Variants in CHD3 observed in about 807,000 individuals in gnomAD.
CHD3 encodes the protein ATP-dependent chromatin remodeler CHD3.
Under a neutral mutation model 248.9 loss-of-function variants are expected in CHD3, and 52 were observed. That is an observed-to-expected ratio of 0.21 (90% CI 0.17 to 0.26). The LOEUF (loss-of-function observed/expected upper bound fraction) is 0.26, where lower values mean the gene tolerates loss of function less well. CHD3 is among the 10% of genes least tolerant of loss of function. CHD3 has a pLI of 1.00. For missense variants in CHD3, 1,482 were observed against 2,605.8 expected (o/e 0.57, Z 9.39); for synonymous variants, 985 against 985.2 (o/e 1.00, Z 0.00).
chr17:7,894,998 G>A lies in CHD3; in HGVS notation c.1351G>A (p.Glu451Lys), dbSNP rs1969446814. 2 of 1,614,032 alleles carry A rather than the reference G, an allele frequency of 1.2e-6. No homozygotes were observed. Among genetic ancestry groups the A allele is most frequent in the Admixed American group, 3.3e-5 (2 of 60,024 alleles). Residue 451 changes from glutamate to lysine, a missense_variant, in exon 9 of 40, where the codon GAG becomes AAG. This residue lies in a region of CHD3 where 138 missense variants were observed against 241.1 expected (regional missense o/e 0.57). Coordinates refer to ENST00000330494, the MANE Select transcript of CHD3 (RefSeq NM_001005273.3). ...EEGEEEGEKE[E>K]EDDHMEYCRV... ...GGGAGAGGAAGAAGGGGAGAAGGAG[G>A]AGGAGGATGATCACATGGAGTACTG...
chr17:7,890,610 C>A lies in CHD3; in HGVS notation c.253C>A (p.Arg85=). Residue 85 remains arginine (R), a synonymous_variant, in exon 3 of 40, where the codon CGG becomes AGG. Coordinates refer to ENST00000330494, the MANE Select transcript of CHD3 (RefSeq NM_001005273.3). ...EEFGSERDEY[R]EKSESGGSEY... is the part of the protein sequence containing the mutation. ...ATTTGGTTCTGAGCGAGATGAGTAC[C>A]GGGAGAAGTCAGAGAGTGGGGGCAG... The A allele has an allele frequency of 6.2e-7, 1 of 1,603,948 alleles. No homozygotes were observed. The highest frequency in any genetic ancestry group is 8.5e-7 in the Non-Finnish European group (1 of 1,177,204).
rs758195285 is a variant in CHD3 at position 7,911,680 on chromosome 17, A to G, written c.*95A>G. The G allele has an allele frequency of 5.0e-5, 79 of 1,592,256 alleles. No homozygotes were observed. The highest frequency in any genetic ancestry group is 6.5e-5 in the Non-Finnish European group (76 of 1,168,994). ...CTGCTGCCAGCCCTCCACCTTCCCC[A>G]CCCCTTGGGCCATCACTGGGCTAGG... On this transcript the variant is annotated 3_prime_UTR_variant, in exon 40 of 40. Transcript: ENST00000330494. The surrounding 1 kb of genome is among the most constrained non-coding windows in gnomAD (Gnocchi z 5.4).
At chr17:7,888,734 G>A (rs886680713), upstream of CHD3, 13 of 1,098,744 alleles carry the variant, frequency 1.2e-5, no homozygotes, top group Admixed American at 7.6e-5. Context: ...GTGGGTGCGC[G>A]CGTGCGCGCG....
At position 7,905,772 on chromosome 17, in the gene CHD3, G is replaced by A; in HGVS notation, c.4224+66G>A. Reference sequence around the variant, plus strand: ...CATGAGGGCAGGAGGTTGGAAGTTGGTGCCTGGATCACTGAAGGTAGAAAG... The same window carrying A: ...CATGAGGGCAGGAGGTTGGAAGTTGATGCCTGGATCACTGAAGGTAGAAAG... On this transcript the variant is annotated intron_variant, in intron 27 of 39. Transcript: ENST00000330494. The surrounding 1 kb of genome is among the most constrained non-coding windows in gnomAD (Gnocchi z 5.8). The A allele has an allele frequency of 6.2e-7, 1 of 1,613,504 alleles. No homozygotes were observed. The highest frequency in any genetic ancestry group is 1.3e-5 in the African/African-American group (1 of 75,006).
chr17:7,911,436 G>T lies in CHD3; in HGVS notation c.5882-28G>T. 1.2e-6 allele frequency: 2 copies of T among 1,613,974 alleles called. No individual in the cohort carries two copies. Among genetic ancestry groups the T allele is most frequent in the South Asian group, 2.2e-5 (2 of 91,036 alleles). Reference sequence around the variant, plus strand: ...GACGTTTGAGAGTGATCTGGAGATTGATCTTTCCTTACCCCTTTCCCAAAC... The same window carrying T: ...GACGTTTGAGAGTGATCTGGAGATTTATCTTTCCTTACCCCTTTCCCAAAC... On this transcript the variant is annotated intron_variant, in intron 39 of 39. Transcript: ENST00000330494. The surrounding 1 kb of genome is among the most constrained non-coding windows in gnomAD (Gnocchi z 5.4).
chr17:7,894,893 G>A (rs1356050261), intron 8 of CHD3, 24 bp from the exon 9 acceptor site: 2 of 1,611,176 alleles, frequency 1.2e-6, no homozygotes, highest in African/African-American at 1.3e-5. Context: ...CCATCTGTCT[G>A]TGTGTCTATC....
Position 7,899,764 on chromosome 17 carries a change from CTGTAATCCCTGCTTGGAGAACAGAGTAA to C in CHD3, c.2545-129_2545-102del. 1 of 1,230,220 alleles carries C rather than the reference CTGTAATCCCTGCTTGGAGAACAGAGTAA, an allele frequency of 8.1e-7. No individual in the cohort carries two copies. Among genetic ancestry groups the C allele is most frequent in the Non-Finnish European group, 1.2e-6 (1 of 866,736 alleles). 76.2% of individuals were successfully genotyped at this position (1,230,220 alleles called of 1,614,324 possible). A position where few individuals can be genotyped will look rare whatever the true frequency, so the allele number is the denominator to read the frequency against. On this transcript the variant is annotated intron_variant, in intron 15 of 39. Coordinates refer to ENST00000330494, the MANE Select transcript of CHD3 (RefSeq NM_001005273.3). The surrounding 1 kb of genome is among the most constrained non-coding windows in gnomAD (Gnocchi z 6.8). ...TGGGCAGAGGTTTAGGAGCCATGGT[CTGTAATCCCTGCTTGGAGAACAGAGTAA>C]TGGCTCCTGTTGGGAGCCACAGTCA...
Position 7,897,914 on chromosome 17 carries a change from T to G in CHD3, c.1920-57T>G, listed in dbSNP as rs1969880194. 6.4e-7 allele frequency: 1 copy of G among 1,559,688 alleles called. No homozygotes were observed. Among genetic ancestry groups the G allele is most frequent in the East Asian group, 2.3e-5 (1 of 44,094 alleles). ...TTGCGTTTCTCAGGCCTTCTTTCTG[T>G]TTGTGATCTGTGCAATATTTTCCTC... On this transcript the variant is annotated intron_variant, in intron 11 of 39. Transcript: ENST00000330494. The surrounding 1 kb of genome is among the most constrained non-coding windows in gnomAD (Gnocchi z 4.8).
chr17:7,888,563 C>T (rs1968352476), upstream of CHD3, among the ~76,000 whole-genome samples: 2 of 152,186 alleles, frequency 1.3e-5, no homozygotes, highest in African/African-American at 4.8e-5. Context: ...ACTCTCCGTT[C>T]CGTTCCCCAA....
chr17:7,884,900 G>T (rs1449150008), upstream of CHD3: 1 of 1,405,348 alleles, frequency 7.1e-7, no homozygotes. Flanking sequence ...CGACGAGGAG[G>T]AGGAGGAGGA....
chr17:7,909,995 G>T lies in CHD3; in HGVS notation c.5591-433G>T. On this transcript the variant is annotated intron_variant, in intron 37 of 39. Transcript: ENST00000330494. This position sits in a 1 kb window ranked among gnomAD's most constrained non-coding sequence, Gnocchi z 8.1. ...CCCTCTCCCCTTACATATTAAAACC[G>T]TGATTCCTTAAAGCTTTGACACTTA... The T allele has an allele frequency of 3.8e-6, 1 of 264,698 alleles. No individual in the cohort carries two copies. The highest frequency in any genetic ancestry group is 3.8e-5 in the South Asian group (1 of 26,306). 16.4% of individuals were successfully genotyped at this position (264,698 alleles called of 1,614,324 possible). A position where few individuals can be genotyped will look rare whatever the true frequency, so the allele number is the denominator to read the frequency against.
Position 7,910,508 on chromosome 17 carries a change from C to A in CHD3, c.5671C>A (p.Pro1891Thr), listed in dbSNP as rs769257772. The A allele has an allele frequency of 3.7e-6, 6 of 1,614,018 alleles. No individual in the cohort carries two copies. Among genetic ancestry groups the A allele is most frequent in the South Asian group, 1.1e-5 (1 of 91,084 alleles). The change falls in exon 38 of 40, where the codon CCC (proline) becomes ACC (threonine). Residue 1891 changes from proline (P) to threonine (T), a missense_variant. Physicochemically the swap from Pro to Thr is conservative, Grantham distance 38. This residue lies in a region of CHD3 where 83 missense variants were observed against 181.0 expected (regional missense o/e 0.46). Coordinates refer to ENST00000330494, the MANE Select transcript of CHD3 (RefSeq NM_001005273.3). This position sits in a 1 kb window ranked among gnomAD's most constrained non-coding sequence, Gnocchi z 4.7. ...GCCAGCCACGCTGTCCCGAATACCC[C>A]CCATCGCAGCCCGCCTTCAGATGTC... Reference protein sequence around the residue: ...RLPATLSRIPPIAARLQMSER... With the variant: ...RLPATLSRIPTIAARLQMSER...
In CHD3 at chr17:7,907,280, G is replaced by T; in HGVS notation, c.4788+33G>T. ...GCTCCCTGGATTCCCCTGTGGAGCG[G>T]GAGGGGAGGGGGCTTGGAGGCCAGG... On this transcript the variant is annotated intron_variant, in intron 31 of 39. Coordinates refer to ENST00000330494, the MANE Select transcript of CHD3 (RefSeq NM_001005273.3). The surrounding 1 kb of genome is among the most constrained non-coding windows in gnomAD (Gnocchi z 4.3). 6.2e-7 allele frequency: 1 copy of T among 1,613,994 alleles called. No homozygotes were observed. The highest frequency in any genetic ancestry group is 8.5e-7 in the Non-Finnish European group (1 of 1,179,892).
Position 7,899,181 on chromosome 17 carries a change from C to A in CHD3, c.2322C>A (p.Phe774Leu). ...GLGKTIQTIV[F>L]LYSLYKEGHT... ...GCAAGACCATACAAACCATCGTCTT[C>A]CTCTACTCACTCTACAAGGAGGTGC... is the stretch of plus-strand genomic sequence containing the variant. The change falls in exon 14 of 40, where the codon TTC (phenylalanine) becomes TTA (leucine). Residue 774 changes from phenylalanine (F) to leucine (L), a missense_variant. Around this residue, in one of 20 missense-constraint regions of CHD3, gnomAD observed 18 missense variants for 88.8 expected, o/e 0.20. Coordinates refer to ENST00000330494, the MANE Select transcript of CHD3 (RefSeq NM_001005273.3). This position sits in a 1 kb window ranked among gnomAD's most constrained non-coding sequence, Gnocchi z 6.8. The A allele has an allele frequency of 6.2e-7, 1 of 1,613,948 alleles. No individual in the cohort carries two copies. The highest frequency in any genetic ancestry group is 8.5e-7 in the Non-Finnish European group (1 of 1,179,932).
At position 7,905,125 on chromosome 17, in the gene CHD3, T is replaced by C; in HGVS notation, c.4098T>C (p.Gly1366=). Residue 1366 remains glycine (G), a synonymous_variant, in exon 26 of 40, where the codon GGT becomes GGC. Transcript: ENST00000330494. The surrounding 1 kb of genome is among the most constrained non-coding windows in gnomAD (Gnocchi z 5.8). The part of the protein sequence containing the change: ...DQDNQSEYSV[G]SEEEDEDFDE... ...ACAACCAGTCAGAGTACTCGGTGGG[T>C]TCAGAGGAGGAGGATGAAGACTTCG... The C allele has an allele frequency of 5.6e-6, 9 of 1,614,002 alleles. No individual in the cohort carries two copies. Among genetic ancestry groups the C allele is most frequent in the Non-Finnish European group, 7.6e-6 (9 of 1,179,976 alleles).
upstream of CHD3, chr17:7,885,109 C>A (rs191420949): frequency 0.14 from 137,558 of 982,660 alleles, 10,679 homozygotes; most frequent in East Asian, 0.41. Flanking sequence ...GACTCCCCCC[C>A]CAAGCCCGAG....
rs5819185 is a variant in CHD3, at chr17:7,909,552, CA to C, written c.5590+215del. On this transcript the variant is annotated intron_variant, in intron 37 of 39. Transcript: ENST00000330494. This position sits in a 1 kb window ranked among gnomAD's most constrained non-coding sequence, Gnocchi z 8.1. Reference sequence around the variant, plus strand: ...ACCCTCATCCATGTCTGATAGCATTCACATCCGTGCCCAATAGAGGGACCTG... The same window carrying C: ...ACCCTCATCCATGTCTGATAGCATTCCATCCGTGCCCAATAGAGGGACCTG... 130,281 of 665,482 alleles carry C rather than the reference CA, an allele frequency of 0.2. 14,986 individuals are homozygous for C. Among genetic ancestry groups the C allele is most frequent in the East Asian group, 0.43 (14,855 of 34,172 alleles). The allele number at this position is 665,482 out of a possible 1,614,324, so 41.2% of individuals were successfully genotyped here.
Position 7,904,642 on chromosome 17 carries a change from G to A in CHD3, c.4072+23G>A. ...AAGGTGAGGACTGCCCCAGATGCAGGCAGTAAAGGGGGGAAGTGATGATGA... is the reference window on the plus strand; with the variant it reads ...AAGGTGAGGACTGCCCCAGATGCAGACAGTAAAGGGGGGAAGTGATGATGA... On this transcript the variant is annotated intron_variant, in intron 25 of 39. Transcript: ENST00000330494. The surrounding 1 kb of genome is among the most constrained non-coding windows in gnomAD (Gnocchi z 4.4). 1 of 1,602,490 alleles carries A rather than the reference G, an allele frequency of 6.2e-7. No individual in the cohort carries two copies. The highest frequency in any genetic ancestry group is 8.5e-7 in the Non-Finnish European group (1 of 1,171,218).
intron 20 of CHD3, 35 bp from the exon 21 acceptor site, chr17:7,902,575 A>G: frequency 7.1e-7 from 1 of 1,418,354 alleles, no homozygotes; most frequent in South Asian, 1.2e-5. Context: ...CCACCACCTC[A>G]TTATTGCAGA....
Sources: gnomAD v4.1 joint callset for allele counts (sites outside exome capture counted in the v4.1 genomes callset) on GRCh38, gnomAD v4.1.1 for gene constraint, gnomAD v4.1.1 regional missense constraint, Gnocchi (gnomAD v3.1) non-coding constraint, MANE v1.5 for transcripts, NCBI Gene and HGNC (gene_info 2026-07-23, HGNC 2026-07-21) for gene names.